The following SORCS2 variants were observed in gnomAD, a reference collection of about 807,000 sequenced individuals.
SORCS2 encodes sortilin related VPS10 domain containing receptor 2.
A neutral mutation model predicts 141.6 loss-of-function variants in SORCS2; 100 were observed. That is an observed-to-expected ratio of 0.71 (90% CI 0.60 to 0.83). The LOEUF is 0.83. SORCS2 is among the 40% of genes least tolerant of loss of function. The pLI, the probability that SORCS2 is intolerant of heterozygous loss-of-function variation, is 0.00. For missense variants in SORCS2, 1,646 were observed against 1,560.2 expected (o/e 1.05, Z -0.93); for synonymous variants, 789 against 676.9 (o/e 1.17, Z -2.57).
chr4:7,652,438 T>G (rs68095971), intron 4 of SORCS2, among the ~76,000 whole-genome samples: 13,612 of 152,188 alleles, frequency 0.089, 817 homozygotes, highest in Middle Eastern at 0.17. Context: ...CCTGGGGCAC[T>G]GACCCAAGGA....
At chr4:7,607,512 G>A (rs543697153) in intron 3 of SORCS2, among the ~76,000 whole-genome samples, 2 of 152,248 alleles carry the variant, frequency 1.3e-5, no homozygotes, top group African/African-American at 4.8e-5. Context: ...TGGGCACCTG[G>A]TGTTACAGCG....
chr4:7,433,461 C>G, intron 2 of SORCS2: 1 of 1,566,080 alleles, frequency 6.4e-7, no homozygotes, highest in Non-Finnish European at 8.6e-7. Flanking sequence ...GCAGTGGGGT[C>G]CTGGGGCCGT....
chr4:7,567,001 C>T (rs1161846999), intron 3 of SORCS2, among the ~76,000 whole-genome samples: 2 of 152,248 alleles, frequency 1.3e-5, no homozygotes, highest in Non-Finnish European at 2.9e-5. Context: ...CTCTGTCACC[C>T]AGTTAGGAAG....
chr4:7,356,182 A>T (rs1721241284), intron 1 of SORCS2, among the ~76,000 whole-genome samples: 1 of 152,230 alleles, frequency 6.6e-6, no homozygotes, highest in South Asian at 2.1e-4. Context: ...CTCACCCAGG[A>T]CAGGTCCCCC....
intron 2 of SORCS2, among the ~76,000 whole-genome samples, chr4:7,506,335 A>G (rs181954773): frequency 8.2e-4 from 125 of 152,292 alleles, no homozygotes; most frequent in Admixed American, 1.8e-3. Context: ...TCCATTTGGC[A>G]TGGTTATATT....
chr4:7,390,438 A>G (rs1040838975), intron 1 of SORCS2, among the ~76,000 whole-genome samples: 12 of 152,220 alleles, frequency 7.9e-5, no homozygotes, highest in African/African-American at 2.9e-4. Context: ...TGAAGAGGCG[A>G]TGCCGAGTGC....
chr4:7,395,072 G>A (rs533338552), intron 1 of SORCS2, among the ~76,000 whole-genome samples: 24 of 152,334 alleles, frequency 1.6e-4, no homozygotes, highest in African/African-American at 5.8e-4. Flanking sequence ...CTTTGTTCCT[G>A]AGCATGGCAT....
intron 2 of SORCS2, chr4:7,433,478 C>G (rs767245257): frequency 6.3e-7 from 1 of 1,578,938 alleles, no homozygotes. Flanking sequence ...CCGTGGCAGG[C>G]CCCCACCTTC....
In SORCS2 at chr4:7,723,787, C is replaced by A; in HGVS notation, c.2515C>A (p.Arg839=). 1 of 1,613,882 alleles carries A rather than the reference C, an allele frequency of 6.2e-7. No individual in the cohort carries two copies. The highest frequency in any genetic ancestry group is 2.2e-5 in the East Asian group (1 of 44,890). ...CCTTACACTGACCGGGGAGCCCATC[C>A]GGCACCGCTACGAGAGCCCCGGCAT... The part of the protein sequence containing the change: ...VNLTLTGEPI[R]HRYESPGIYR... The change falls in exon 19 of 27, where the codon CGG becomes AGG. Residue 839 remains arginine (R), a synonymous_variant. Coordinates refer to ENST00000507866, the MANE Select transcript of SORCS2 (RefSeq NM_020777.3).
chr4:7,324,137 C>T (rs1719086702), intron 1 of SORCS2, among the ~76,000 whole-genome samples: 1 of 152,218 alleles, frequency 6.6e-6, no homozygotes, highest in African/African-American at 2.4e-5. Flanking sequence ...CAAACCCAGG[C>T]AGTCTGGCTC....
chr4:7,387,453 G>A lies in SORCS2; in HGVS notation c.481-8835G>A, dbSNP rs1212521508. 7.3e-3 allele frequency among the ~76,000 whole-genome samples: 607 copies of A among 83,260 alleles called. 4 individuals are homozygous for A. The highest frequency in any genetic ancestry group is 0.02 in the African/African-American group (567 of 28,186). The allele number at this position is 83,260 out of a possible 152,430, so 54.6% of individuals were successfully genotyped here. A position where few individuals can be genotyped will look rare whatever the true frequency, so the allele number is the denominator to read the frequency against. ...CACATAGGTACATGCATGCACACAT[G>A]CACACACAGATACAGAGATACACAT... On this transcript the variant is annotated intron_variant, in intron 1 of 26. Coordinates refer to ENST00000507866, the MANE Select transcript of SORCS2 (RefSeq NM_020777.3).
At chr4:7,629,663 C>A (rs770518387) in intron 3 of SORCS2, among the ~76,000 whole-genome samples, 1 of 151,986 alleles carries the variant, frequency 6.6e-6, no homozygotes, top group African/African-American at 2.4e-5. Flanking sequence ...TGAGCTGTTC[C>A]TTTCCGGCAC....
At chr4:7,384,243 A>G (rs1395064185) in intron 1 of SORCS2, among the ~76,000 whole-genome samples, 2 of 152,162 alleles carry the variant, frequency 1.3e-5, no homozygotes, top group Non-Finnish European at 2.9e-5. Context: ...CGGTGCCTCA[A>G]CTTCCCCCAA....
At chr4:7,505,100 G>A (rs575844932) in intron 2 of SORCS2, among the ~76,000 whole-genome samples, 4 of 152,362 alleles carry the variant, frequency 2.6e-5, no homozygotes, top group East Asian at 1.9e-4. Context: ...ATGGTGGAAC[G>A]GGTGAGTCAA....
chr4:7,302,769 A>ATGTGTGTGTGTGTG (rs138338129), intron 1 of SORCS2, among the ~76,000 whole-genome samples: 29,893 of 145,052 alleles, frequency 0.21, 3,448 homozygotes, highest in Non-Finnish European at 0.27. Context: ...CAGTCCACAT[A>ATGTGTGTGTGTGTG]TGTGTGTGTG....
chr4:7,686,727 G>T (rs1313534021), intron 10 of SORCS2, among the ~76,000 whole-genome samples: 1 of 152,254 alleles, frequency 6.6e-6, no homozygotes, highest in Non-Finnish European at 1.5e-5. Flanking sequence ...CTCCAAGCCT[G>T]CCGGCATTGC....
intron 2 of SORCS2, among the ~76,000 whole-genome samples, chr4:7,478,375 G>A (rs972502340): frequency 6.6e-6 from 1 of 152,022 alleles, no homozygotes; most frequent in Admixed American, 6.6e-5. Context: ...TTCCAGGTGA[G>A]GCCTCCCACA....
intron 3 of SORCS2, among the ~76,000 whole-genome samples, chr4:7,574,526 G>A (rs1165076847): frequency 6.6e-6 from 1 of 152,092 alleles, no homozygotes; most frequent in Non-Finnish European, 1.5e-5. Context: ...CGCAGCAGGT[G>A]GGACCATGCC....
rs904485127 is a variant in SORCS2, at chr4:7,633,890, C to T, written c.649-4438C>T. On this transcript the variant is annotated intron_variant, in intron 3 of 26. Coordinates refer to ENST00000507866, the MANE Select transcript of SORCS2 (RefSeq NM_020777.3). ...AGTGAGGATGGTGGACACACAGTTGCGTCGTAAGAACGTTTGAAAAACTGT... is the reference window on the plus strand; with the variant it reads ...AGTGAGGATGGTGGACACACAGTTGTGTCGTAAGAACGTTTGAAAAACTGT... 3.8e-5 allele frequency among the ~76,000 whole-genome samples: 3 copies of T among 78,028 alleles called. 1 individual carries two copies. The highest frequency in any genetic ancestry group is 1.6e-4 in the Admixed American group (1 of 6,416). 51.2% of individuals were successfully genotyped at this position (78,028 alleles called of 152,430 possible).
Sources: gnomAD v4.1 joint callset for allele counts (sites outside exome capture counted in the v4.1 genomes callset) on GRCh38, gnomAD v4.1.1 for gene constraint, MANE v1.5 for transcripts, NCBI Gene and HGNC (gene_info 2026-07-23, HGNC 2026-07-21) for gene names.